Variants in MLLT10 observed in about 807,000 individuals in gnomAD.
The protein encoded by MLLT10 is protein AF-10.
A neutral mutation model predicts 129.1 loss-of-function variants in MLLT10; 30 were observed. The ratio of observed to expected loss-of-function variants is 0.23; its 90% CI spans 0.17 to 0.32. The LOEUF is 0.32. Ranked by LOEUF, MLLT10 falls within the 10% of genes least tolerant of loss-of-function variation. The pLI is 1.00. For synonymous variants in MLLT10, 490 were observed against 446.4 expected (o/e 1.10, Z -1.23); for missense variants, 1,119 against 1,268.3 (o/e 0.88, Z 1.79).
At chr10:21,701,022 G>A (rs961915731) in intron 13 of MLLT10, among the ~76,000 whole-genome samples, 1 of 152,132 alleles carries the variant, frequency 6.6e-6, no homozygotes, top group African/African-American at 2.4e-5. Context: ...TTGTTGGTCT[G>A]TTCAGGGTTT....
chr10:21,613,266 A>G (rs2044852749), intron 6 of MLLT10, among the ~76,000 whole-genome samples: 1 of 151,980 alleles, frequency 6.6e-6, no homozygotes, highest in Admixed American at 6.6e-5. Flanking sequence ...TATTTACAAC[A>G]ATATATTTTA....
intron 20 of MLLT10, among the ~76,000 whole-genome samples, chr10:21,734,843 T>C (rs2058231535): frequency 6.6e-6 from 1 of 152,208 alleles, no homozygotes; most frequent in Non-Finnish European, 1.5e-5. Context: ...AGATAAATTA[T>C]TACATACGCT....
intron 13 of MLLT10, among the ~76,000 whole-genome samples, chr10:21,712,367 C>T (rs976275008): frequency 6.6e-6 from 1 of 152,126 alleles, no homozygotes; most frequent in African/African-American, 2.4e-5. Flanking sequence ...GCATGTGCCA[C>T]CATGCCTGGC....
At chr10:21,705,934 A>C (rs909386474) in intron 13 of MLLT10, among the ~76,000 whole-genome samples, 1 of 152,346 alleles carries the variant, frequency 6.6e-6, no homozygotes, top group African/African-American at 2.4e-5. Context: ...CTAGGATTGC[A>C]GAAGTCCATG....
In MLLT10 at chr10:21,534,307, C is replaced by T. The variant is rs1312364132; in HGVS notation, c.-214C>T. On this transcript the variant is annotated 5_prime_UTR_variant, in exon 1 of 23. Transcript: ENST00000307729. ...CTCGCTGCCCCTGGCCCAGCGGGAG[C>T]CCCCCCTCCCCCCAGTGCGCCTGTG... 4 of 309,864 alleles carry T rather than the reference C, an allele frequency of 1.3e-5. No individual in the cohort carries two copies. The highest frequency in any genetic ancestry group is 2.8e-4 in the South Asian group (2 of 7,034). The allele number at this position is 309,864 out of a possible 1,614,324, so 19.2% of individuals were successfully genotyped here.
At chr10:21,668,657 A>G (rs1230849568) in intron 9 of MLLT10, among the ~76,000 whole-genome samples, 2 of 152,092 alleles carry the variant, frequency 1.3e-5, no homozygotes, top group African/African-American at 4.8e-5. Context: ...TCTCTTTGTA[A>G]TACTGTTTCT....
At chr10:21,551,214 C>T (rs995357245) in intron 3 of MLLT10, among the ~76,000 whole-genome samples, 1 of 151,224 alleles carries the variant, frequency 6.6e-6, no homozygotes, top group African/African-American at 2.4e-5. Context: ...CGTGAGCCAC[C>T]GTGCCCGGCC....
chr10:21,610,984 CTTTT>C (rs71393913), intron 5 of MLLT10, among the ~76,000 whole-genome samples: 76 of 102,870 alleles, frequency 7.4e-4, no homozygotes, highest in African/African-American at 2.6e-3. Flanking sequence ...TCTTTTTTCT[CTTTT>C]TTTTTTTTTT....
chr10:21,727,806 T>TTGC, intron 15 of MLLT10, 50 bp from the exon 16 acceptor site: 1 of 1,454,504 alleles, frequency 6.9e-7, no homozygotes, highest in Non-Finnish European at 9.6e-7. Flanking sequence ...GTTTAAAACC[T>TTGC]CTTATCTAGT....
At chr10:21,618,728 GGTTCAAA>G (rs1181347936) in intron 8 of MLLT10, among the ~76,000 whole-genome samples, 1 of 151,464 alleles carries the variant, frequency 6.6e-6, no homozygotes, top group African/African-American at 2.4e-5. Context: ...CTGCCTGCTG[GGTTCAAA>G]CGATTCTCGT....
At chr10:21,583,892 C>T (rs1272976045) in intron 3 of MLLT10, among the ~76,000 whole-genome samples, 8 of 150,328 alleles carry the variant, frequency 5.3e-5, no homozygotes, top group East Asian at 3.9e-4. Flanking sequence ...TTTTTTGAGA[C>T]GGAGTCTCGC....
intron 5 of MLLT10, among the ~76,000 whole-genome samples, chr10:21,605,193 A>C (rs1001831254): frequency 7.9e-5 from 12 of 152,212 alleles, no homozygotes; most frequent in African/African-American, 2.9e-4. Context: ...ACAGTTGGGA[A>C]AAATCATCTG....
intron 8 of MLLT10, among the ~76,000 whole-genome samples, chr10:21,619,051 CA>C (rs2045555281): frequency 6.6e-6 from 1 of 151,832 alleles, no homozygotes; most frequent in East Asian, 1.9e-4. Context: ...CACACACACA[CA>C]CACACACACA....
chr10:21,645,532 T>C (rs2048392281), intron 8 of MLLT10, among the ~76,000 whole-genome samples: 1 of 152,204 alleles, frequency 6.6e-6, no homozygotes, highest in Non-Finnish European at 1.5e-5. Flanking sequence ...TTCTTTCTTA[T>C]GTTATGCCTA....
chr10:21,647,121 G>A (rs996175136), intron 8 of MLLT10, among the ~76,000 whole-genome samples: 94 of 152,098 alleles, frequency 6.2e-4, no homozygotes, highest in Admixed American at 6.2e-3. Flanking sequence ...CTCCCAAAGT[G>A]CTGGGATTAC....
intron 13 of MLLT10, among the ~76,000 whole-genome samples, chr10:21,710,957 T>C (rs1349376363): frequency 6.6e-6 from 1 of 152,234 alleles, no homozygotes; most frequent in African/African-American, 2.4e-5. Context: ...TTAAGAGTCA[T>C]TGGTGACTCT....
At chr10:21,709,188 T>TACACTTTTCACCCCCAAAATAACTAATA (rs1242716146) in intron 13 of MLLT10, among the ~76,000 whole-genome samples, 3 of 151,960 alleles carry the variant, frequency 2.0e-5, no homozygotes, top group African/African-American at 7.3e-5. Context: ...CCCTGTGTAG[T>TACACTTTTCACCCCCAAAATAACTAATA]ACACTTTTCA....
At chr10:21,534,888 C>G in intron 2 of MLLT10, 84 bp downstream of exon 2, 3 of 998,162 alleles carry the variant, frequency 3.0e-6, no homozygotes, top group Non-Finnish European at 3.6e-6. Context: ...ACCGCCGGCG[C>G]CCCCGCCCCG....
intron 21 of MLLT10, among the ~76,000 whole-genome samples, chr10:21,738,836 C>T (rs1427209271): frequency 1.3e-5 from 2 of 152,134 alleles, no homozygotes; most frequent in Non-Finnish European, 2.9e-5. Flanking sequence ...TCCTCTTCAG[C>T]CTGAGAGTGC....
Sources: allele counts gnomAD v4.1 joint callset (sites outside exome capture counted in the v4.1 genomes callset), GRCh38; gene constraint gnomAD v4.1.1; transcripts MANE v1.5; gene names NCBI Gene and HGNC (gene_info 2026-07-23, HGNC 2026-07-21).